Variants in RBL1 observed in about 807,000 individuals in gnomAD.
RBL1 encodes the protein RB transcriptional corepressor like 1.
In RBL1, 82 loss-of-function variants were observed where a neutral mutation model predicts 123.0. The observed-to-expected ratio is 0.67, with a 90% CI of 0.56 to 0.80. The LOEUF is 0.80. Among genes scored for constraint, RBL1 ranks in the 30% least tolerant of loss-of-function variants. RBL1 has a pLI of 0.00. For missense variants in RBL1, 1,171 were observed against 1,299.6 expected, an observed-to-expected ratio of 0.90 and a Z score of 1.52; for synonymous variants, 405 against 441.3, an observed-to-expected ratio of 0.92 and a Z score of 1.03.
chr20:37,046,975 T>C, intron 12 of RBL1, 78 bp downstream of exon 12: 1 of 1,463,516 alleles, frequency 6.8e-7, no homozygotes, highest in Non-Finnish European at 9.0e-7. Context: ...AGTGTTTTTC[T>C]TCAGCACTAA....
chr20:37,017,633 T>TGTGTGC (rs1481375202), intron 19 of RBL1, among the ~76,000 whole-genome samples: 1 of 151,220 alleles, frequency 6.6e-6, no homozygotes, highest in Non-Finnish European at 1.5e-5. Flanking sequence ...TGTGTGTGTG[T>TGTGTGC]GTGTGTGTGT....
intron 9 of RBL1, among the ~76,000 whole-genome samples, chr20:37,059,974 A>T (rs2065067753): frequency 6.6e-6 from 1 of 151,932 alleles, no homozygotes; most frequent in Admixed American, 6.6e-5. Flanking sequence ...GGAGTTTGAG[A>T]CCAGCTTGAC....
In RBL1 at chr20:37,022,815, C is replaced by T; in HGVS notation, c.2394G>A (p.Leu798=). 2 of 1,607,436 alleles carry T rather than the reference C, an allele frequency of 1.2e-6. No homozygotes were observed. Among genetic ancestry groups the T allele is most frequent in the African/African-American group, 1.3e-5 (1 of 74,778 alleles). ...ATAGATCACGTAAGCGTACACTTGCCAAATGATAGACCTAAAATAGAAGGT... is the reference window on the plus strand; with the variant it reads ...ATAGATCACGTAAGCGTACACTTGCTAAATGATAGACCTAAAATAGAAGGT... The part of the protein sequence containing the change: ...LALFYRKVYH[L]ASVRLRDLCL... Residue 798 remains leucine (L), a synonymous_variant, in exon 17 of 22, where the codon TTG becomes TTA. Transcript: ENST00000373664.
At chr20:37,021,063 T>C (rs1295718788) in intron 17 of RBL1, among the ~76,000 whole-genome samples, 3 of 152,238 alleles carry the variant, frequency 2.0e-5, no homozygotes, top group Non-Finnish European at 4.4e-5. Flanking sequence ...GTTTTATTAA[T>C]TTTTAAGTAC....
At chr20:37,020,280 G>T (rs1432758307) in intron 18 of RBL1, among the ~76,000 whole-genome samples, 2 of 151,682 alleles carry the variant, frequency 1.3e-5, no homozygotes, top group African/African-American at 2.4e-5. Flanking sequence ...GTAGAGACAG[G>T]GTTTTACCAT....
At chr20:37,020,109 GAC>G (rs2064316716) in intron 18 of RBL1, among the ~76,000 whole-genome samples, 2 of 133,542 alleles carry the variant, frequency 1.5e-5, no homozygotes, top group East Asian at 4.5e-4. Flanking sequence ...TTTTTTTTGA[GAC>G]AGAGTCTCGC....
chr20:37,067,435 GA>G, intron 3 of RBL1, 138 bp from the exon 4 acceptor site: 1 of 741,990 alleles, frequency 1.3e-6, no homozygotes, highest in Non-Finnish European at 2.1e-6. Flanking sequence ...TATTATTTAT[GA>G]AATGGACTTA....
rs759978194 is a variant in RBL1, at chr20:37,007,519, T to C, written c.2763A>G (p.Gly921=). The C allele has an allele frequency of 6.2e-7, 1 of 1,613,960 alleles. No individual in the cohort carries two copies. Among genetic ancestry groups the C allele is most frequent in the Non-Finnish European group, 8.5e-7 (1 of 1,179,908 alleles). ...GATCACCTCTTTCCTCTTTCACTGG[T>C]CCACTGGAACAGTCAGGTGTTTTTG... ...DATKTPDCSS[G]PVKEERGDLI... Residue 921 remains glycine, a synonymous_variant, in exon 20 of 22, where the codon GGA becomes GGG. Coordinates refer to ENST00000373664, the MANE Select transcript of RBL1 (RefSeq NM_002895.5).
At chr20:37,057,651 T>C (rs533839376) in intron 9 of RBL1, among the ~76,000 whole-genome samples, 2 of 152,276 alleles carry the variant, frequency 1.3e-5, no homozygotes, top group African/African-American at 4.8e-5. Context: ...TTCTATAGGT[T>C]GTTTTTTTTA....
At chr20:37,056,945 T>C (rs1390506946) in intron 9 of RBL1, among the ~76,000 whole-genome samples, 1 of 152,122 alleles carries the variant, frequency 6.6e-6, no homozygotes, top group East Asian at 1.9e-4. Context: ...CAGTATTTCC[T>C]TCTTTTATAA....
At chr20:37,058,123 A>AAC (rs2065038782) in intron 9 of RBL1, among the ~76,000 whole-genome samples, 1 of 146,512 alleles carries the variant, frequency 6.8e-6, no homozygotes, top group Non-Finnish European at 1.5e-5. Context: ...TCTAAAAAAA[A>AAC]AAAAAACAAA....
intron 20 of RBL1, 125 bp from the exon 21 acceptor site, chr20:37,003,991 T>C (rs2064029403): frequency 1.3e-6 from 1 of 764,878 alleles, no homozygotes; most frequent in Non-Finnish European, 1.9e-6. Context: ...TCATTTATGG[T>C]TGAGAAAAAA....
Position 37,007,467 on chromosome 20 carries a change from C to T in RBL1, c.2815G>A (p.Val939Ile). 6.2e-7 allele frequency: 1 copy of T among 1,613,948 alleles called. No homozygotes were observed. ...AGTGCAAATGACTTCACTCTTCCTA[C>T]ATATATTGTATTGTAAAATTTTATA... ...DLIKFYNTIY[V>I]GRVKSFALKY... The change falls in exon 20 of 22, where the codon GTA becomes ATA. Residue 939 changes from valine (V) to isoleucine (I), a missense_variant. Transcript: ENST00000373664.
At chr20:37,007,263 C>T in intron 20 of RBL1, 148 bp downstream of exon 20, 1 of 823,598 alleles carries the variant, frequency 1.2e-6, no homozygotes, top group Non-Finnish European at 1.9e-6. Context: ...CTCTGTTGTA[C>T]CATAGCCTTA....
At chr20:37,009,711 A>G (rs1437676798) in intron 19 of RBL1, among the ~76,000 whole-genome samples, 1 of 152,132 alleles carries the variant, frequency 6.6e-6, no homozygotes, top group East Asian at 1.9e-4. Context: ...GACAGAGACT[A>G]TAGTGTCTCT....
intron 20 of RBL1, among the ~76,000 whole-genome samples, chr20:37,004,251 G>A (rs184858376): frequency 3.3e-5 from 5 of 151,300 alleles, no homozygotes; most frequent in East Asian, 3.9e-4. Flanking sequence ...CACCACGCCC[G>A]GTTAATTTTG....
At chr20:37,040,111 C>T (rs991154223) in intron 14 of RBL1, 42 bp downstream of exon 14, 3 of 1,602,684 alleles carry the variant, frequency 1.9e-6, no homozygotes, top group Non-Finnish European at 2.5e-6. Context: ...AAGCCAAATG[C>T]CCTTTGTTAC....
At chr20:37,045,861 CT>C (rs753773102) in intron 12 of RBL1, among the ~76,000 whole-genome samples, 8 of 152,178 alleles carry the variant, frequency 5.3e-5, no homozygotes, top group Non-Finnish European at 8.8e-5. Flanking sequence ...AAAAATTTAA[CT>C]CTTCAAACCA....
At chr20:37,028,329 C>A (rs536368407) in intron 16 of RBL1, among the ~76,000 whole-genome samples, 2 of 152,204 alleles carry the variant, frequency 1.3e-5, no homozygotes, top group Admixed American at 1.3e-4. Flanking sequence ...CACGCTACTG[C>A]ATTCCAGCTT....
Sources: allele counts gnomAD v4.1 joint callset (sites outside exome capture counted in the v4.1 genomes callset), GRCh38; gene constraint gnomAD v4.1.1; transcripts MANE v1.5; gene names NCBI Gene and HGNC (gene_info 2026-07-23, HGNC 2026-07-21).